Variants in CLTCL1 observed in about 807,000 individuals in gnomAD.
The protein encoded by CLTCL1 is clathrin heavy chain 2.
In CLTCL1, 159 loss-of-function variants were observed where a neutral mutation model predicts 190.0. The observed-to-expected ratio is 0.84, with a 90% CI of 0.74 to 0.95. The LOEUF (loss-of-function observed/expected upper bound fraction) is 0.95. Among genes scored for constraint, CLTCL1 ranks in the 40% least tolerant of loss-of-function variants. CLTCL1 has a pLI of 0.00. For synonymous variants in CLTCL1, 752 were observed against 769.6 expected (o/e 0.98, Z 0.38); for missense variants, 1,878 against 2,033.4 (o/e 0.92, Z 1.47).
At chr22:19,271,274 T>A (rs907725852) in intron 2 of CLTCL1, among the ~76,000 whole-genome samples, 5 of 152,218 alleles carry the variant, frequency 3.3e-5, no homozygotes, top group Non-Finnish European at 7.3e-5. Context: ...CAAGTTGTAG[T>A]TCCCAGTGTT....
rs782760603 is a variant in CLTCL1, at chr22:19,291,677, G to A, written c.-36C>T. On this transcript the variant is annotated 5_prime_UTR_variant, in exon 1 of 33. Coordinates refer to ENST00000427926, the MANE Select transcript of CLTCL1 (RefSeq NM_007098.4). ...GGACCTCGGCGGCGGCGGCGGCAGCGGCAGGAATGAACGCCGACCCCTCGC... is the reference window on the plus strand; with the variant it reads ...GGACCTCGGCGGCGGCGGCGGCAGCAGCAGGAATGAACGCCGACCCCTCGC... 23 of 1,348,952 alleles carry A rather than the reference G, an allele frequency of 1.7e-5. No individual in the cohort carries two copies. The South Asian group carries it at 3.8e-4, about 22-fold the overall frequency. The allele number at this position is 1,348,952 out of a possible 1,614,324, so 83.6% of individuals were successfully genotyped here. A position where few individuals can be genotyped will look rare whatever the true frequency, so the allele number is the denominator to read the frequency against.
Position 19,188,040 on chromosome 22 carries a change from T to C in CLTCL1, c.4375A>G (p.Asn1459Asp), listed in dbSNP as rs1555929350. The C allele has an allele frequency of 1.9e-6, 3 of 1,614,058 alleles. No individual in the cohort carries two copies. Among genetic ancestry groups the C allele is most frequent in the Middle Eastern group, 1.6e-4 (1 of 6,062 alleles). ...KPYLRSVQSH[N>D]NKSVNEALNH... ...AGTGCCTCATTCACACTCTTGTTGTTGTGGCTCTGGACTGACCGCAGGTAA... is the reference window on the plus strand; with the variant it reads ...AGTGCCTCATTCACACTCTTGTTGTCGTGGCTCTGGACTGACCGCAGGTAA... Residue 1459 changes from asparagine (N) to aspartate (D), a missense_variant, in exon 28 of 33, where the codon AAC (asparagine) becomes GAC (aspartate). Transcript: ENST00000427926.
chr22:19,218,508 G>T (rs1457249324), intron 18 of CLTCL1, among the ~76,000 whole-genome samples: 1 of 152,222 alleles, frequency 6.6e-6, no homozygotes, highest in Non-Finnish European at 1.5e-5. Flanking sequence ...ATGAAATTCA[G>T]TAGAGATAAA....
chr22:19,278,765 G>A (rs556245993), intron 1 of CLTCL1, among the ~76,000 whole-genome samples: 45 of 152,266 alleles, frequency 3.0e-4, no homozygotes, highest in African/African-American at 9.9e-4. Context: ...TTTTTGAGAC[G>A]GAGTCTAGCC....
chr22:19,233,248 A>G lies in CLTCL1; in HGVS notation c.1439T>C (p.Leu480Pro). The G allele has an allele frequency of 1.2e-6, 2 of 1,614,008 alleles. No individual in the cohort carries two copies. The highest frequency in any genetic ancestry group is 1.7e-6 in the Non-Finnish European group (2 of 1,179,884). Reference protein sequence around the residue: ...TDPMLALSVYLRANVPSKVIQ... With the variant: ...TDPMLALSVYPRANVPSKVIQ... ...CACTTTGCTTGGCACATTTGCCCGA[A>G]GGTACACACTCAGAGCGAGCATGGG... The change falls in exon 9 of 33, where the codon CTT (leucine) becomes CCT (proline). Residue 480 changes from leucine (L) to proline (P), a missense_variant. Transcript: ENST00000427926.
At chr22:19,226,074 C>A in intron 12 of CLTCL1, 145 bp downstream of exon 12, 1 of 948,810 alleles carries the variant, frequency 1.1e-6, no homozygotes, top group Non-Finnish European at 1.6e-6. Flanking sequence ...ATTAGAACTG[C>A]TTTTGGTAGT....
At chr22:19,209,343 GCA>G (rs1204674837) in intron 20 of CLTCL1, 4 of 436,472 alleles carry the variant, frequency 9.2e-6, no homozygotes, top group Non-Finnish European at 1.6e-5. Context: ...CAATAAAGAG[GCA>G]CAGAGATGGA....
At chr22:19,251,991 C>T (rs868956752) in intron 3 of CLTCL1, among the ~76,000 whole-genome samples, 2 of 152,172 alleles carry the variant, frequency 1.3e-5, no homozygotes, top group African/African-American at 2.4e-5. Flanking sequence ...TCTGCAATGC[C>T]ACTGCCTTCA....
chr22:19,243,545 G>A (rs959738960), intron 3 of CLTCL1, among the ~76,000 whole-genome samples: 2 of 152,080 alleles, frequency 1.3e-5, no homozygotes, highest in Non-Finnish European at 2.9e-5. Context: ...CTTGGGCCAA[G>A]AAGTTTGAGG....
intron 10 of CLTCL1, 32 bp from the exon 11 acceptor site, chr22:19,230,007 G>C (rs782800834): frequency 1.3e-6 from 2 of 1,550,696 alleles, no homozygotes; most frequent in Non-Finnish European, 1.7e-6. Flanking sequence ...TTTTCACTCA[G>C]TATGTTTTCA....
chr22:19,207,798 T>C (rs781885471), intron 22 of CLTCL1: 8 of 597,420 alleles, frequency 1.3e-5, no homozygotes, highest in Non-Finnish European at 2.1e-5. Flanking sequence ...CGAGGATCTG[T>C]GTTGCATGCT....
Position 19,254,194 on chromosome 22 carries a change from A to C in CLTCL1, c.284T>G (p.Met95Arg). The C allele has an allele frequency of 6.2e-7, 1 of 1,613,540 alleles. No homozygotes were observed. Among genetic ancestry groups the C allele is most frequent in the Non-Finnish European group, 8.5e-7 (1 of 1,179,458 alleles). Residue 95 changes from methionine (M) to arginine (R), a missense_variant, in exon 3 of 33, where the codon ATG becomes AGG. Transcript: ENST00000427926. ...GKTLQIFNIE[M>R]KSKMKAHTMA... ...AGTATGAGCCTTCATTTTACTCTTC[A>C]TCTCAATATTAAAGATCTGAAGTGT...
chr22:19,228,467 C>T (rs778357186), intron 11 of CLTCL1, among the ~76,000 whole-genome samples: 5 of 152,122 alleles, frequency 3.3e-5, no homozygotes, highest in Non-Finnish European at 5.9e-5. Flanking sequence ...AAATCTCATT[C>T]ACCAGAAACG....
chr22:19,207,429 G>A (rs2085084790), intron 22 of CLTCL1: 2 of 397,170 alleles, frequency 5.0e-6, no homozygotes, highest in Non-Finnish European at 8.9e-6. Flanking sequence ...ATCTCTTCTA[G>A]GAGAATTATT....
chr22:19,252,614 A>G (rs2086625768), intron 3 of CLTCL1, among the ~76,000 whole-genome samples: 1 of 152,224 alleles, frequency 6.6e-6, no homozygotes, highest in African/African-American at 2.4e-5. Context: ...CCACTAGGCT[A>G]TAGACAAATC....
At chr22:19,262,305 C>G (rs952886920) in intron 2 of CLTCL1, among the ~76,000 whole-genome samples, 16 of 151,252 alleles carry the variant, frequency 1.1e-4, no homozygotes, top group Middle Eastern at 3.4e-3. Flanking sequence ...GGATTACAGG[C>G]ATAAGCCACC....
chr22:19,291,667 C>T lies in CLTCL1; in HGVS notation c.-26G>A, dbSNP rs1311401326. On this transcript the variant is annotated 5_prime_UTR_variant, in exon 1 of 33. Transcript: ENST00000427926. ...GGCTGGTGCGGGACCTCGGCGGCGG[C>T]GGCGGCAGCGGCAGGAATGAACGCC... is the stretch of plus-strand genomic sequence containing the variant. The T allele has an allele frequency of 1.5e-6, 2 of 1,359,640 alleles. No homozygotes were observed. The highest frequency in any genetic ancestry group is 3.2e-5 in the Admixed American group (1 of 31,710). The allele number at this position is 1,359,640 out of a possible 1,614,324, so 84.2% of individuals were successfully genotyped here.
rs3747060 is a variant in CLTCL1 at position 19,291,671 on chromosome 22, G to C, written c.-30C>G. 917 of 1,351,746 alleles carry C rather than the reference G, an allele frequency of 6.8e-4. 16 individuals carry two copies. In the East Asian group the frequency reaches 0.019, roughly 28 times the overall value. 83.7% of individuals were successfully genotyped at this position (1,351,746 alleles called of 1,614,324 possible). On this transcript the variant is annotated 5_prime_UTR_variant, in exon 1 of 33. Coordinates refer to ENST00000427926, the MANE Select transcript of CLTCL1 (RefSeq NM_007098.4). ...GGTGCGGGACCTCGGCGGCGGCGGC[G>C]GCAGCGGCAGGAATGAACGCCGACC...
chr22:19,247,587 T>C (rs1325329896), intron 3 of CLTCL1, among the ~76,000 whole-genome samples: 2 of 152,086 alleles, frequency 1.3e-5, no homozygotes, highest in Non-Finnish European at 2.9e-5. Flanking sequence ...TGAGGCAGAG[T>C]TCCACTCTTG....
Sources: gnomAD v4.1 joint callset for allele counts (sites outside exome capture counted in the v4.1 genomes callset) on GRCh38, gnomAD v4.1.1 for gene constraint, MANE v1.5 for transcripts, NCBI Gene and HGNC (gene_info 2026-07-23, HGNC 2026-07-21) for gene names.